SPOCK3: variants seen among roughly 807,000 people sequenced by gnomAD.
SPOCK3 encodes the protein testican-3.
In SPOCK3, 30 loss-of-function variants were observed where a neutral mutation model predicts 56.6. That is an observed-to-expected ratio of 0.53 (90% confidence interval 0.40 to 0.72). The LOEUF (loss-of-function observed/expected upper bound fraction) is 0.72. Among genes scored for constraint, SPOCK3 ranks in the 30% least tolerant of loss-of-function variants. The probability of loss-of-function intolerance (pLI) is 0.00; values close to 1 mark genes in which losing one functional copy is unlikely to be tolerated. For missense variants in SPOCK3, 527 were observed against 530.0 expected, an observed-to-expected ratio of 0.99 and a Z score of 0.06; for synonymous variants, 196 against 183.3, an observed-to-expected ratio of 1.07 and a Z score of -0.56.
At position 166,818,447 on chromosome 4, in the gene SPOCK3, T is replaced by A. The variant is rs527460119; in HGVS notation, c.590-26158A>T. Among the ~76,000 whole-genome samples the A allele has an allele frequency of 2.0e-5, 3 of 152,070 alleles. No individual in the cohort carries two copies. The South Asian group carries it at 6.2e-4, about 31-fold the overall frequency. On this transcript the variant is annotated intron_variant, in intron 6 of 10. Coordinates refer to ENST00000357545, the MANE Select transcript of SPOCK3 (RefSeq NM_001040159.2). ...AACATTTTGATGAGTACTTATACAG[T>A]AATCTTTTAAAAAGTAGTTTCAATT...
At chr4:167,163,852 C>A (rs774730643) in intron 2 of SPOCK3, among the ~76,000 whole-genome samples, 4 of 152,010 alleles carry the variant, frequency 2.6e-5, no homozygotes, top group African/African-American at 7.2e-5. Flanking sequence ...AAAATCCTGA[C>A]CTTAAATGTG....
chr4:166,753,504 A>G (rs1230813673), intron 8 of SPOCK3, among the ~76,000 whole-genome samples: 1 of 151,928 alleles, frequency 6.6e-6, no homozygotes, highest in African/African-American at 2.4e-5. Context: ...GCTTCTGTTG[A>G]CTCACCACTA....
In SPOCK3 at chr4:166,777,219, AT is replaced by A. The variant is rs534532092; in HGVS notation, c.709+14950del. 2.5e-4 allele frequency among the ~76,000 whole-genome samples: 38 copies of A among 152,302 alleles called. No individual in the cohort carries two copies. In the South Asian group the frequency reaches 7.7e-3, roughly 31 times the overall value. On this transcript the variant is annotated intron_variant, in intron 7 of 10. Coordinates refer to ENST00000357545, the MANE Select transcript of SPOCK3 (RefSeq NM_001040159.2). The stretch of plus-strand genomic sequence containing the variant: ...ATATTGATCTATCTCAATCTAAGTT[AT>A]TTTTTATTTACATGAAAAGAAACAA...
chr4:166,799,637 C>T (rs1742333360), intron 6 of SPOCK3, among the ~76,000 whole-genome samples: 1 of 152,100 alleles, frequency 6.6e-6, no homozygotes. Context: ...GTTGCAAAGA[C>T]CAACAAGCCT....
intron 2 of SPOCK3, among the ~76,000 whole-genome samples, chr4:167,094,918 A>G (rs982852632): frequency 6.6e-6 from 1 of 152,090 alleles, no homozygotes; most frequent in Non-Finnish European, 1.5e-5. Context: ...TCAGACCCAG[A>G]AGACCCGATG....
intron 4 of SPOCK3, among the ~76,000 whole-genome samples, chr4:166,990,786 T>C (rs1201065038): frequency 1.3e-5 from 2 of 151,980 alleles, no homozygotes; most frequent in Admixed American, 6.6e-5. Flanking sequence ...GCAAGCATCA[T>C]CCCAATTGAT....
At chr4:167,049,508 T>A (rs1415542766) in intron 3 of SPOCK3, among the ~76,000 whole-genome samples, 7 of 152,144 alleles carry the variant, frequency 4.6e-5, no homozygotes, top group Non-Finnish European at 1.0e-4. Context: ...CTCTTTTTTA[T>A]ATAGACCATG....
At chr4:167,148,192 T>C (rs1764134414) in intron 2 of SPOCK3, among the ~76,000 whole-genome samples, 1 of 152,118 alleles carries the variant, frequency 6.6e-6, no homozygotes, top group South Asian at 2.1e-4. Context: ...CGAGACATTT[T>C]TGATTGTCAC....
intron 6 of SPOCK3, among the ~76,000 whole-genome samples, chr4:166,808,520 G>A (rs1161702407): frequency 5.3e-5 from 8 of 152,028 alleles, no homozygotes; most frequent in Admixed American, 1.3e-4. Flanking sequence ...ACCAGGAAAG[G>A]AGCCCTCACC....
At chr4:166,864,497 T>A (rs1334891813) in intron 6 of SPOCK3, among the ~76,000 whole-genome samples, 2 of 151,960 alleles carry the variant, frequency 1.3e-5, no homozygotes, top group Admixed American at 6.6e-5. Flanking sequence ...TCTAGAAGCC[T>A]GTTTTTGTAA....
At chr4:166,852,870 A>T (rs1730271841) in intron 6 of SPOCK3, among the ~76,000 whole-genome samples, 1 of 152,222 alleles carries the variant, frequency 6.6e-6, no homozygotes, top group African/African-American at 2.4e-5. Flanking sequence ...TATTATTAAA[A>T]TGGTAACTGT....
intron 2 of SPOCK3, among the ~76,000 whole-genome samples, chr4:167,097,944 A>G (rs1759305005): frequency 6.6e-6 from 1 of 151,978 alleles, no homozygotes; most frequent in Admixed American, 6.6e-5. Flanking sequence ...TAACACAAAA[A>G]CAGCAAACTA....
chr4:166,748,456 C>G (rs1288558892), intron 8 of SPOCK3, among the ~76,000 whole-genome samples: 2 of 136,886 alleles, frequency 1.5e-5, no homozygotes, highest in Non-Finnish European at 3.1e-5. Context: ...AAACTGGATG[C>G]CTTCCTTACA....
intron 7 of SPOCK3, among the ~76,000 whole-genome samples, chr4:166,772,626 C>T (rs527641984): frequency 2.6e-5 from 4 of 152,058 alleles, no homozygotes; most frequent in Non-Finnish European, 5.9e-5. Flanking sequence ...GAAATTGATA[C>T]AACAGAATAT....
At chr4:167,127,039 T>G (rs1762339775) in intron 2 of SPOCK3, among the ~76,000 whole-genome samples, 1 of 152,114 alleles carries the variant, frequency 6.6e-6, no homozygotes, top group South Asian at 2.1e-4. Flanking sequence ...CTCGGACCAT[T>G]ATGGACCAGC....
chr4:167,222,978 ATATAT>A (rs1459252866), intron 2 of SPOCK3, among the ~76,000 whole-genome samples: 10 of 126,476 alleles, frequency 7.9e-5, no homozygotes, highest in East Asian at 6.9e-4. Flanking sequence ...TTATATGAAT[ATATAT>A]TATATTTTAT....
intron 3 of SPOCK3, among the ~76,000 whole-genome samples, chr4:167,060,192 C>T (rs1485663728): frequency 2.0e-5 from 3 of 148,840 alleles, no homozygotes; most frequent in South Asian, 2.1e-4. Context: ...AGGACTTGAA[C>T]ACAATGGAGT....
At chr4:166,855,651 A>G (rs773031776) in intron 6 of SPOCK3, among the ~76,000 whole-genome samples, 2 of 152,262 alleles carry the variant, frequency 1.3e-5, no homozygotes, top group Non-Finnish European at 2.9e-5. Flanking sequence ...ACTCTTATTT[A>G]ACCTTACTTA....
At chr4:167,109,430 TG>T (rs1441345252) in intron 2 of SPOCK3, among the ~76,000 whole-genome samples, 166 of 100,524 alleles carry the variant, frequency 1.7e-3, no homozygotes, top group Non-Finnish European at 2.6e-3. Flanking sequence ...AATATATATA[TG>T]ATAAATATAT....
Sources: allele counts gnomAD v4.1 joint callset (sites outside exome capture counted in the v4.1 genomes callset), GRCh38; gene constraint gnomAD v4.1.1; transcripts MANE v1.5; gene names NCBI Gene and HGNC (gene_info 2026-07-23, HGNC 2026-07-21).